PLAA: variants seen among roughly 807,000 people sequenced by gnomAD.
PLAA encodes phospholipase A2 activating protein.
Under a neutral mutation model 84.1 loss-of-function variants are expected in PLAA, and 48 were observed. The observed-to-expected ratio is 0.57, with a 90% CI of 0.45 to 0.73. The LOEUF (loss-of-function observed/expected upper bound fraction) is 0.73. Among genes scored for constraint, PLAA ranks in the 30% least tolerant of loss-of-function variants. PLAA has a pLI of 0.00. For missense variants in PLAA, 903 were observed against 954.7 expected, an observed-to-expected ratio of 0.95 and a Z score of 0.71; for synonymous variants, 392 against 336.6, an observed-to-expected ratio of 1.16 and a Z score of -1.80.
chr9:26,946,783 G>A (rs1418381211), intron 1 of PLAA, 114 bp downstream of exon 1: 2 of 1,208,332 alleles, frequency 1.7e-6, no homozygotes, highest in African/African-American at 3.1e-5. Flanking sequence ...GCGGAGAGCA[G>A]AGGGAAGGCT....
intron 9 of PLAA, chr9:26,919,076 C>A: frequency 2.7e-6 from 1 of 370,764 alleles, no homozygotes; most frequent in East Asian, 4.1e-5. Context: ...TTTCAAATAA[C>A]TGAAATTCCA....
At chr9:26,934,475 C>CTTTT (rs67138338) in intron 2 of PLAA, among the ~76,000 whole-genome samples, 64 of 93,254 alleles carry the variant, frequency 6.9e-4, no homozygotes, top group South Asian at 1.4e-3. Context: ...GAACACTTTA[C>CTTTT]TTTTTTTTTT....
chr9:26,914,270 G>A (rs1050944457), intron 10 of PLAA, among the ~76,000 whole-genome samples: 2 of 152,108 alleles, frequency 1.3e-5, no homozygotes, highest in Non-Finnish European at 2.9e-5. Context: ...AAAGGGGTGG[G>A]ACTAACTAGC....
At chr9:26,939,204 C>T (rs1032565788) in intron 1 of PLAA, among the ~76,000 whole-genome samples, 11 of 151,932 alleles carry the variant, frequency 7.2e-5, no homozygotes, top group East Asian at 3.9e-4. Context: ...CTGGCTAACA[C>T]GGTGAAACCC....
In PLAA at chr9:26,905,605, G is replaced by T. The variant is rs777597597; in HGVS notation, c.2294C>A (p.Ser765Tyr). The change falls in exon 14 of 14, where the codon TCT becomes TAT. Residue 765 changes from serine (S) to tyrosine (Y), a missense_variant. Ser to Tyr is a moderately radical substitution (Grantham distance 144). Transcript: ENST00000397292. The stretch of plus-strand genomic sequence containing the variant: ...TTTTATTTGAGAATCAACACCTAAA[G>T]ACTTGGCTAATTGTACAGCATTTGA... ...DDSNAVQLAKSLGVDSQIKKY... is the reference protein window; with the variant it reads ...DDSNAVQLAKYLGVDSQIKKY... 1.9e-5 allele frequency: 30 copies of T among 1,613,842 alleles called. No individual in the cohort carries two copies. Among genetic ancestry groups the T allele is most frequent in the African/African-American group, 9.3e-5 (7 of 74,932 alleles).
At chr9:26,908,078 A>G in intron 12 of PLAA, 80 bp from the exon 13 acceptor site, 1 of 1,061,398 alleles carries the variant, frequency 9.4e-7, no homozygotes, top group Non-Finnish European at 1.4e-6. Flanking sequence ...CTTTCAATAA[A>G]AGTACTCTAG....
intron 2 of PLAA, among the ~76,000 whole-genome samples, chr9:26,930,896 G>A (rs1041984576): frequency 4.6e-5 from 7 of 151,716 alleles, no homozygotes; most frequent in Admixed American, 3.9e-4. Context: ...GATCTTAATA[G>A]TTGTAACTTG....
chr9:26,911,179 G>T (rs898083200), intron 11 of PLAA, among the ~76,000 whole-genome samples: 2 of 152,024 alleles, frequency 1.3e-5, no homozygotes, highest in African/African-American at 4.8e-5. Flanking sequence ...TTGAGACAGA[G>T]TCACGCTCTG....
At chr9:26,936,085 T>C (rs1394985579) in intron 1 of PLAA, among the ~76,000 whole-genome samples, 1 of 152,046 alleles carries the variant, frequency 6.6e-6, no homozygotes, top group East Asian at 1.9e-4. Flanking sequence ...ATCAAAGAGT[T>C]TGCAGTCTAG....
rs1196979645 is a variant in PLAA, at chr9:26,904,962, C to T, written c.*549G>A. ...AAAAATAGGCCATTAAACAAATATACTTTAGGATTTATAAATGACAAATCA... is the reference window on the plus strand; with the variant it reads ...AAAAATAGGCCATTAAACAAATATATTTTAGGATTTATAAATGACAAATCA... On this transcript the variant is annotated 3_prime_UTR_variant, in exon 14 of 14. Coordinates refer to ENST00000397292, the MANE Select transcript of PLAA (RefSeq NM_001031689.3). The T allele has an allele frequency of 6.6e-6, 1 of 151,794 alleles. No homozygotes were observed. Among genetic ancestry groups the T allele is most frequent in the Non-Finnish European group, 1.5e-5 (1 of 67,928 alleles). The allele number at this position is 151,794 out of a possible 1,614,324, so 9.4% of individuals were successfully genotyped here. A position where few individuals can be genotyped will look rare whatever the true frequency, so the allele number is the denominator to read the frequency against.
chr9:26,946,276 T>G (rs1459683679), intron 1 of PLAA, among the ~76,000 whole-genome samples: 3 of 152,108 alleles, frequency 2.0e-5, no homozygotes, highest in Admixed American at 1.3e-4. Context: ...TCTTCTTTTT[T>G]TTTTTGGTTC....
chr9:26,930,102 TATTA>T (rs1434802520), intron 2 of PLAA, among the ~76,000 whole-genome samples: 1 of 150,082 alleles, frequency 6.7e-6, no homozygotes, highest in Admixed American at 6.6e-5. Context: ...TTATTATTAT[TATTA>T]TTTTTTTTTT....
At chr9:26,908,351 A>G (rs892449242) in intron 12 of PLAA, among the ~76,000 whole-genome samples, 2 of 151,624 alleles carry the variant, frequency 1.3e-5, no homozygotes, top group African/African-American at 4.9e-5. Context: ...TGTTTTTAGT[A>G]GAGACGGGGT....
chr9:26,932,257 T>C (rs770876552), intron 2 of PLAA, among the ~76,000 whole-genome samples: 1 of 152,090 alleles, frequency 6.6e-6, no homozygotes, highest in Non-Finnish European at 1.5e-5. Context: ...AACAATATTG[T>C]GGTTATTCTT....
At position 26,907,954 on chromosome 9, in the gene PLAA, A is replaced by ACTT. The variant is rs1414332888; in HGVS notation, c.1699_1701dup (p.Lys567dup). On this transcript the variant is annotated inframe_insertion, in exon 13 of 14. Coordinates refer to ENST00000397292, the MANE Select transcript of PLAA (RefSeq NM_001031689.3). Reference sequence around the variant, plus strand: ...AGAAGTATCAAGTCATCCTCAGTTAACTTCTTCTCTTCAGGTGCAGTTCCA... The same window carrying ACTT: ...AGAAGTATCAAGTCATCCTCAGTTAACTTCTTCTTCTCTTCAGGTGCAGTTCCA... The ACTT allele has an allele frequency of 6.2e-7, 1 of 1,608,474 alleles. No individual in the cohort carries two copies. The highest frequency in any genetic ancestry group is 8.5e-7 in the Non-Finnish European group (1 of 1,178,722).
At chr9:26,926,914 T>C (rs1824987532) in intron 4 of PLAA, among the ~76,000 whole-genome samples, 1 of 151,562 alleles carries the variant, frequency 6.6e-6, no homozygotes, top group African/African-American at 2.4e-5. Flanking sequence ...ATAAAAGAAA[T>C]ATATAACAAA....
intron 2 of PLAA, among the ~76,000 whole-genome samples, chr9:26,932,585 T>C (rs1466431171): frequency 1.3e-5 from 2 of 152,216 alleles, no homozygotes; most frequent in Admixed American, 6.5e-5. Flanking sequence ...ATTTACTATC[T>C]GATCCTTTAC....
At chr9:26,942,085 G>A (rs1386829343) in intron 1 of PLAA, among the ~76,000 whole-genome samples, 1 of 152,146 alleles carries the variant, frequency 6.6e-6, no homozygotes, top group Non-Finnish European at 1.5e-5. Flanking sequence ...AAATTAGAAT[G>A]CTACAACCAT....
At chr9:26,946,577 G>A (rs1825726175) in intron 1 of PLAA, among the ~76,000 whole-genome samples, 1 of 151,252 alleles carries the variant, frequency 6.6e-6, no homozygotes, top group Admixed American at 6.6e-5. Context: ...GGGTGCAACT[G>A]CAATCAGTAA....
Sources: allele counts gnomAD v4.1 joint callset (sites outside exome capture counted in the v4.1 genomes callset), GRCh38; gene constraint gnomAD v4.1.1; transcripts MANE v1.5; gene names NCBI Gene and HGNC (gene_info 2026-07-23, HGNC 2026-07-21).